Variants in TMEM108 observed in about 807,000 individuals in gnomAD.
The protein encoded by TMEM108 is cancer/testis antigen 124.
A neutral mutation model predicts 35.1 loss-of-function variants in TMEM108; 12 were observed. The observed-to-expected ratio is 0.34, with a 90% CI of 0.22 to 0.55. TMEM108 has a LOEUF of 0.55. Ranked by LOEUF, TMEM108 falls within the 20% of genes least tolerant of loss-of-function variation. The pLI is 0.89. For missense variants in TMEM108, 680 were observed against 753.3 expected, an observed-to-expected ratio of 0.90 and a Z score of 1.14; for synonymous variants, 287 against 308.6, an observed-to-expected ratio of 0.93 and a Z score of 0.73.
intron 3 of TMEM108, among the ~76,000 whole-genome samples, chr3:133,369,100 G>T (rs1169203301): frequency 6.6e-6 from 1 of 152,170 alleles, no homozygotes; most frequent in East Asian, 1.9e-4. Context: ...ACAAAGCCAA[G>T]ATTGAACGCA....
intron 2 of TMEM108, among the ~76,000 whole-genome samples, chr3:133,185,208 C>T (rs1370683060): frequency 6.6e-6 from 1 of 152,102 alleles, no homozygotes; most frequent in East Asian, 1.9e-4. Flanking sequence ...AAGCTTGCTT[C>T]CTGCCACAAA....
At chr3:133,181,604 C>T (rs1342442074) in intron 2 of TMEM108, among the ~76,000 whole-genome samples, 1 of 152,032 alleles carries the variant, frequency 6.6e-6, no homozygotes, top group Non-Finnish European at 1.5e-5. Flanking sequence ...AATCCCATTG[C>T]AAAGAGATTT....
chr3:133,068,488 AAG>A (rs1294741294), intron 2 of TMEM108, among the ~76,000 whole-genome samples: 8 of 152,266 alleles, frequency 5.3e-5, no homozygotes, highest in African/African-American at 1.4e-4. Flanking sequence ...GAAATTAAGA[AAG>A]AGAGAAATCT....
At chr3:133,306,502 G>A (rs1395956233) in intron 3 of TMEM108, among the ~76,000 whole-genome samples, 2 of 152,072 alleles carry the variant, frequency 1.3e-5, no homozygotes, top group Non-Finnish European at 1.5e-5. Context: ...TTCTCCTAAT[G>A]TTATCCCTCC....
At chr3:133,264,137 C>T (rs187432444) in intron 3 of TMEM108, among the ~76,000 whole-genome samples, 17 of 152,160 alleles carry the variant, frequency 1.1e-4, no homozygotes, top group Admixed American at 4.6e-4. Context: ...AAGAACCCAT[C>T]TCTTAAAAAA....
At chr3:133,149,086 G>A (rs1944761226) in intron 2 of TMEM108, among the ~76,000 whole-genome samples, 1 of 152,102 alleles carries the variant, frequency 6.6e-6, no homozygotes. Context: ...CAGTCAAGCT[G>A]GACTTCACTA....
At chr3:133,162,679 G>A (rs1944978063) in intron 2 of TMEM108, among the ~76,000 whole-genome samples, 1 of 152,172 alleles carries the variant, frequency 6.6e-6, no homozygotes, top group Non-Finnish European at 1.5e-5. Context: ...AAAATATCCA[G>A]GTCTGCCAGA....
At chr3:133,331,509 A>G (rs2071392641) in intron 3 of TMEM108, among the ~76,000 whole-genome samples, 1 of 152,182 alleles carries the variant, frequency 6.6e-6, no homozygotes, top group Admixed American at 6.5e-5. Flanking sequence ...ATGACAAACT[A>G]TCCAGTGTGG....
At chr3:133,084,374 C>T (rs1485638092) in intron 2 of TMEM108, among the ~76,000 whole-genome samples, 1 of 152,214 alleles carries the variant, frequency 6.6e-6, no homozygotes, top group Non-Finnish European at 1.5e-5. Context: ...CCACTCTTCC[C>T]TTCTCTCTCC....
intron 3 of TMEM108, among the ~76,000 whole-genome samples, chr3:133,353,617 G>A (rs1379811032): frequency 6.6e-6 from 1 of 152,188 alleles, no homozygotes; most frequent in East Asian, 1.9e-4. Context: ...TGTATGGTCT[G>A]TCTCAACTCT....
chr3:133,220,699 A>T (rs1945977061), intron 2 of TMEM108, among the ~76,000 whole-genome samples: 1 of 152,144 alleles, frequency 6.6e-6, no homozygotes, highest in Non-Finnish European at 1.5e-5. Flanking sequence ...AGTATCCTAT[A>T]ATTCAATTTT....
chr3:133,167,200 G>C (rs951759108), intron 2 of TMEM108, among the ~76,000 whole-genome samples: 24 of 152,344 alleles, frequency 1.6e-4, no homozygotes, highest in African/African-American at 5.3e-4. Context: ...ACAGAGTGCT[G>C]ATTGGTCTGT....
intron 3 of TMEM108, among the ~76,000 whole-genome samples, chr3:133,289,203 T>A (rs1012188109): frequency 1.3e-5 from 2 of 152,264 alleles, no homozygotes; most frequent in Non-Finnish European, 2.9e-5. Flanking sequence ...TGGGGGTCCA[T>A]CATTTTATCC....
chr3:133,071,090 G>C (rs985434003), intron 2 of TMEM108, among the ~76,000 whole-genome samples: 9 of 152,038 alleles, frequency 5.9e-5, no homozygotes, highest in African/African-American at 1.9e-4. Flanking sequence ...TCACTTTTTT[G>C]TTTGGAAATA....
intron 2 of TMEM108, among the ~76,000 whole-genome samples, chr3:133,192,266 T>C (rs947653046): frequency 3.3e-5 from 5 of 152,290 alleles, no homozygotes; most frequent in East Asian, 1.9e-4. Context: ...AGTTGAAATA[T>C]GTATTGAAAC....
At chr3:133,126,872 A>G (rs1010266711) in intron 2 of TMEM108, among the ~76,000 whole-genome samples, 1 of 152,188 alleles carries the variant, frequency 6.6e-6, no homozygotes, top group African/African-American at 2.4e-5. Context: ...TGTAAATGCT[A>G]TGTAAATAAT....
intron 3 of TMEM108, among the ~76,000 whole-genome samples, chr3:133,327,933 C>T (rs2071350352): frequency 6.6e-6 from 1 of 152,116 alleles, no homozygotes; most frequent in Non-Finnish European, 1.5e-5. Context: ...TATTTTTCCC[C>T]ACATGCTTAA....
intron 1 of TMEM108, among the ~76,000 whole-genome samples, chr3:133,044,961 C>CTTTTTTTTTTT: frequency 7.0e-6 from 1 of 142,828 alleles, no homozygotes; most frequent in Non-Finnish European, 1.5e-5. Context: ...TGAAGTGCTG[C>CTTTTTTTTTTT]TTTTTTTTTT....
intron 2 of TMEM108, among the ~76,000 whole-genome samples, chr3:133,207,293 T>C (rs1199249591): frequency 9.3e-5 from 14 of 151,070 alleles, no homozygotes; most frequent in Non-Finnish European, 1.9e-4. Context: ...CTGCTTCTGC[T>C]TGCCTTCCAT....
Sources: gnomAD v4.1 joint callset for allele counts (sites outside exome capture counted in the v4.1 genomes callset) on GRCh38, gnomAD v4.1.1 for gene constraint, MANE v1.5 for transcripts, NCBI Gene and HGNC (gene_info 2026-07-23, HGNC 2026-07-21) for gene names.